The following NOD1 variants were observed in gnomAD, a reference collection of about 807,000 sequenced individuals.
NOD1 encodes nucleotide-binding oligomerization domain-containing protein 1.
NOD1 carries 70 observed loss-of-function variants against 81.2 expected under a neutral mutation model. The ratio of observed to expected loss-of-function variants is 0.86; its 90% CI spans 0.71 to 1.05. The LOEUF (loss-of-function observed/expected upper bound fraction) is 1.05. NOD1 is among the 50% of genes least tolerant of loss of function. The pLI, the probability that NOD1 is intolerant of heterozygous loss-of-function variation, is 0.00. For missense variants in NOD1, 1,233 were observed against 1,228.0 expected (o/e 1.00, Z -0.06); for synonymous variants, 508 against 526.9 (o/e 0.96, Z 0.49).
rs140817833 is a variant in NOD1 at position 30,446,976 on chromosome 7, G to T, written c.2360C>A (p.Thr787Lys). ...TGCCTACCCCACTTACTTAAGATGC[G>T]TGAGGCCTTTGCATTCATCCAGGAT... ...TKILDECKGL[T>K]HLKLGKNKIT... The change falls in exon 8 of 14, where the codon ACG becomes AAG. Residue 787 changes from threonine (T) to lysine (K), a missense_variant. By Grantham distance (78) the Thr-to-Lys change is moderately conservative. Transcript: ENST00000222823. 6.8e-6 allele frequency: 11 copies of T among 1,613,594 alleles called. No homozygotes were observed. Among genetic ancestry groups the T allele is most frequent in the Non-Finnish European group, 9.3e-6 (11 of 1,179,646 alleles).
Position 30,448,395 on chromosome 7 carries a change from G to C in NOD1, c.2202-14C>G. On this transcript the variant is annotated splice_polypyrimidine_tract_variant and intron_variant, in intron 6 of 13. Transcript: ENST00000222823. ...TTTACGCTGAGTCTGAAATAAAACAGCAAAAAAATTACGAGTCAGGGCAGG... is the reference window on the plus strand; with the variant it reads ...TTTACGCTGAGTCTGAAATAAAACACCAAAAAAATTACGAGTCAGGGCAGG... 1 of 1,609,858 alleles carries C rather than the reference G, an allele frequency of 6.2e-7. No individual in the cohort carries two copies. The highest frequency in any genetic ancestry group is 1.7e-4 in the Middle Eastern group (1 of 6,058).
intron 1 of NOD1, among the ~76,000 whole-genome samples, chr7:30,476,883 C>T (rs1162148930): frequency 6.6e-6 from 1 of 152,216 alleles, no homozygotes; most frequent in African/African-American, 2.4e-5. Context: ...TATAGACATT[C>T]TCCCTCATAG....
chr7:30,472,879 G>T (rs892546633), intron 1 of NOD1, among the ~76,000 whole-genome samples: 1 of 152,156 alleles, frequency 6.6e-6, no homozygotes, highest in Non-Finnish European at 1.5e-5. Context: ...CTCTCCACCC[G>T]GCAGCCTCCA....
chr7:30,437,468 T>A, intron 10 of NOD1, 105 bp downstream of exon 10: 1 of 643,522 alleles, frequency 1.6e-6, no homozygotes, highest in Non-Finnish European at 2.5e-6. Flanking sequence ...AAATCACACA[T>A]GCAAATTCCT....
chr7:30,430,160 G>C (rs576177430), intron 12 of NOD1, among the ~76,000 whole-genome samples: 2 of 152,308 alleles, frequency 1.3e-5, no homozygotes, highest in East Asian at 3.9e-4. Context: ...CTACCAACAT[G>C]CAAGAGGGAG....
chr7:30,457,144 C>T (rs2128070793), intron 3 of NOD1, 102 bp from the exon 4 acceptor site: 1 of 555,798 alleles, frequency 1.8e-6, no homozygotes, highest in South Asian at 2.0e-5. Context: ...CAGGAAGGAA[C>T]CATGCTTAAG....
chr7:30,451,822 T>C lies in NOD1; in HGVS notation c.1595A>G (p.Asp532Gly). ...CAGCTCCTGAGTGCCCACCCTGTCG[T>C]CCAGCACGAGGAAGAAGGCTGTAAA... ...AFFTAFFLVL[D>G]DRVGTQELLR... The change falls in exon 6 of 14, where the codon GAC becomes GGC. Residue 532 changes from aspartate to glycine, a missense_variant. Physicochemically the swap from Asp to Gly is moderately conservative, Grantham distance 94. Coordinates refer to ENST00000222823, the MANE Select transcript of NOD1 (RefSeq NM_006092.4). This position sits in a 1 kb window ranked among gnomAD's most constrained non-coding sequence, Gnocchi z 4.2. 1 of 1,613,678 alleles carries C rather than the reference T, an allele frequency of 6.2e-7. No homozygotes were observed.
At chr7:30,449,779 A>G (rs1224804003) in intron 6 of NOD1, among the ~76,000 whole-genome samples, 1 of 152,190 alleles carries the variant, frequency 6.6e-6, no homozygotes, top group Non-Finnish European at 1.5e-5. Context: ...TCCCGTGGTT[A>G]CCCATATCCT....
At chr7:30,429,588 TTGTATC>T in intron 12 of NOD1, 131 bp from the exon 13 acceptor site, 1 of 729,400 alleles carries the variant, frequency 1.4e-6, no homozygotes, top group South Asian at 1.5e-5. Context: ...CCATGTGACT[TTGTATC>T]TGGCTAAAAG....
intron 9 of NOD1, 138 bp downstream of exon 9, chr7:30,446,001 GGT>G: frequency 1.4e-6 from 1 of 702,032 alleles, no homozygotes; most frequent in Non-Finnish European, 2.5e-6. Context: ...TTCGCAGCAT[GGT>G]GAAAGCTCTC....
At chr7:30,460,077 G>A in intron 1 of NOD1, 36 bp from the exon 2 acceptor site, 1 of 207,872 alleles carries the variant, frequency 4.8e-6, no homozygotes, top group Non-Finnish European at 8.4e-6. Flanking sequence ...CAGCCATCTG[G>A]CAAGGAGGCT....
At chr7:30,426,180 G>A (rs377757025) in intron 13 of NOD1, among the ~76,000 whole-genome samples, 2 of 152,004 alleles carry the variant, frequency 1.3e-5, no homozygotes, top group African/African-American at 2.4e-5. Context: ...TTCCCCACCC[G>A]ATCTCATCAA....
intron 7 of NOD1, chr7:30,447,490 C>T: frequency 4.3e-6 from 1 of 234,702 alleles, no homozygotes; most frequent in South Asian, 5.2e-5. Flanking sequence ...AGCCATCTCA[C>T]CGCTCAATGC....
At chr7:30,435,858 C>A in intron 11 of NOD1, 140 bp downstream of exon 11, 1 of 659,020 alleles carries the variant, frequency 1.5e-6, no homozygotes, top group Non-Finnish European at 2.6e-6. Flanking sequence ...CTCGGAAGGC[C>A]AAGGCGGGAG....
intron 3 of NOD1, among the ~76,000 whole-genome samples, chr7:30,457,504 T>A (rs1327901365): frequency 6.6e-5 from 10 of 152,172 alleles, no homozygotes; most frequent in Non-Finnish European, 1.0e-4. Flanking sequence ...AATTTAATTG[T>A]TTGCACTTGA....
At chr7:30,431,295 A>G (rs1397993593) in intron 12 of NOD1, among the ~76,000 whole-genome samples, 1 of 152,256 alleles carries the variant, frequency 6.6e-6, no homozygotes, top group African/African-American at 2.4e-5. Flanking sequence ...CTTTTTGCAG[A>G]AATTGACAAG....
At position 30,451,741 on chromosome 7, in the gene NOD1, T is replaced by C; in HGVS notation, c.1676A>G (p.Tyr559Cys). 1 of 1,613,732 alleles carries C rather than the reference T, an allele frequency of 6.2e-7. No individual in the cohort carries two copies. The highest frequency in any genetic ancestry group is 1.3e-5 in the African/African-American group (1 of 75,026). The change falls in exon 6 of 14, where the codon TAT becomes TGT. Residue 559 changes from tyrosine (Y) to cysteine (C), a missense_variant. Tyr to Cys is a radical substitution (Grantham distance 194). Transcript: ENST00000222823. The surrounding 1 kb of genome is among the most constrained non-coding windows in gnomAD (Gnocchi z 4.2). ...GCACTGGAACGGGAGGAAGGGAGGA[T>C]AGCAGGACGTGGTCGCTGCCCCCGC... is the stretch of plus-strand genomic sequence containing the variant. ...PPAGAATTSC[Y>C]PPFLPFQCLQ...
At chr7:30,439,280 G>C (rs928006757) in intron 9 of NOD1, among the ~76,000 whole-genome samples, 3 of 141,146 alleles carry the variant, frequency 2.1e-5, no homozygotes, top group African/African-American at 9.6e-5. Flanking sequence ...GAACAGCTCC[G>C]GTCTACAGCT....
chr7:30,449,996 C>A (rs1278041068), intron 6 of NOD1, among the ~76,000 whole-genome samples: 1 of 152,162 alleles, frequency 6.6e-6, no homozygotes, highest in Non-Finnish European at 1.5e-5. Context: ...ATTTCAAGAC[C>A]AGCCTGGCCA....
Sources: allele counts gnomAD v4.1 joint callset (sites outside exome capture counted in the v4.1 genomes callset), GRCh38; gene constraint gnomAD v4.1.1; non-coding constraint Gnocchi (gnomAD v3.1); transcripts MANE v1.5; gene names NCBI Gene and HGNC (gene_info 2026-07-23, HGNC 2026-07-21).